TRRAP: variants seen among roughly 807,000 people sequenced by gnomAD.
TRRAP encodes transformation/transcription domain associated protein, also known as transformation/transcription domain-associated protein.
Under a neutral mutation model 438.8 loss-of-function variants are expected in TRRAP, and 41 were observed. The observed-to-expected ratio is 0.09, with a 90% CI of 0.07 to 0.12. The LOEUF (loss-of-function observed/expected upper bound fraction) is 0.12, where lower values mean the gene tolerates loss of function less well. Ranked by LOEUF, TRRAP falls within the 10% of genes least tolerant of loss-of-function variation. TRRAP has a pLI of 1.00. For missense variants in TRRAP, 3,122 were observed against 5,055.1 expected (o/e 0.62, Z 11.60); for synonymous variants, 1,994 against 1,962.9 (o/e 1.02, Z -0.42).
chr7:98,989,821 T>C (rs1184919727), intron 63 of TRRAP, among the ~76,000 whole-genome samples: 1 of 152,234 alleles, frequency 6.6e-6, no homozygotes, highest in Non-Finnish European at 1.5e-5. Context: ...GATGAGATCA[T>C]GAGTGTAGGT....
intron 31 of TRRAP, among the ~76,000 whole-genome samples, chr7:98,943,801 A>G (rs1368857114): frequency 2.0e-5 from 3 of 152,232 alleles, no homozygotes; most frequent in African/African-American, 7.2e-5. Context: ...GTGAAACATG[A>G]CAGCAGTATT....
At chr7:98,954,884 G>A (rs538599053) in intron 40 of TRRAP, among the ~76,000 whole-genome samples, 7 of 152,276 alleles carry the variant, frequency 4.6e-5, no homozygotes, top group Admixed American at 2.0e-4. Context: ...GTTCAGCACG[G>A]GCACGTAGTA....
rs201053093 is a variant in TRRAP, at chr7:98,880,262, G to GTTTTTTTTT, written c.-61-819_-61-811dup. The stretch of plus-strand genomic sequence containing the variant: ...CTGCCTGCGTTTTGTTGTTGTTGTT[G>GTTTTTTTTT]TTTTTTTTTTTTTTTTTCCGAGACT... On this transcript the variant is annotated intron_variant, in intron 1 of 72. Coordinates refer to ENST00000456197, the MANE Select transcript of TRRAP (RefSeq NM_001375524.1). Among the ~76,000 whole-genome samples, 34 of 132,096 alleles carry GTTTTTTTTT rather than the reference G, an allele frequency of 2.6e-4. 5 individuals carry two copies. Among genetic ancestry groups the GTTTTTTTTT allele is most frequent in the South Asian group, 7.4e-4 (3 of 4,054 alleles). The allele number at this position is 132,096 out of a possible 152,430, so 86.7% of individuals were successfully genotyped here.
intron 67 of TRRAP, among the ~76,000 whole-genome samples, chr7:98,995,061 A>C (rs865935387): frequency 1.3e-5 from 2 of 152,188 alleles, no homozygotes; most frequent in African/African-American, 2.4e-5. Flanking sequence ...AGGAGCTGCC[A>C]GGATCCAAGA....
chr7:98,949,838 G>C lies in TRRAP; in HGVS notation c.5132G>C (p.Cys1711Ser). The stretch of plus-strand genomic sequence containing the variant: ...CTGGCCTACTGCCTGCTGAACTACT[G>C]CAAGTGGGTGCCTCCTCCCGCCCTG... ...KLLAYCLLNY[C>S]KRNYGDIELL... is the part of the protein sequence containing the mutation. Residue 1711 changes from cysteine (C) to serine (S), a missense_variant, in exon 37 of 73, where the codon TGC becomes TCC. By Grantham distance (112) the Cys-to-Ser change is moderately radical. Coordinates refer to ENST00000456197, the MANE Select transcript of TRRAP (RefSeq NM_001375524.1). 6.2e-7 allele frequency: 1 copy of C among 1,612,402 alleles called. No homozygotes were observed. Among genetic ancestry groups the C allele is most frequent in the South Asian group, 1.1e-5 (1 of 90,912 alleles).
chr7:98,999,256 C>T (rs1331584765), intron 67 of TRRAP: 9 of 1,181,552 alleles, frequency 7.6e-6, no homozygotes, highest in African/African-American at 3.0e-5. Flanking sequence ...CCCAGCTTCT[C>T]GCAGAAACAG....
rs144435212 is a variant in TRRAP, at chr7:98,948,658, C to T, written c.4761C>T (p.Asn1587=). The change falls in exon 35 of 73, where the codon AAC becomes AAT. Residue 1587 remains asparagine, a synonymous_variant. Transcript: ENST00000456197. This position sits in a 1 kb window ranked among gnomAD's most constrained non-coding sequence, Gnocchi z 4.9. ...TGTTCATGATGGAAGCCACACTGAA[C>T]GATCCCCAGTGGAGCAGAATGTTTA... ...VELFMMEATL[N]DPQWSRMFMS... The T allele has an allele frequency of 3.7e-5, 59 of 1,614,190 alleles. No individual in the cohort carries two copies. The highest frequency in any genetic ancestry group is 1.1e-4 in the East Asian group (5 of 44,872).
chr7:98,955,226 C>G lies in TRRAP; in HGVS notation c.5859C>G (p.Thr1953=). Reference sequence around the variant, plus strand: ...GGCACCAGATGCTGACCCACTGGACCCGGAAGATCATTGTGGAGGAGGGGC... The same window carrying G: ...GGCACCAGATGCTGACCCACTGGACGCGGAAGATCATTGTGGAGGAGGGGC... ...EDGHQMLTHW[T]RKIIVEEGHT... Residue 1953 remains threonine (T), a synonymous_variant, in exon 41 of 73, where the codon ACC becomes ACG. Transcript: ENST00000456197. The G allele has an allele frequency of 6.2e-7, 1 of 1,614,202 alleles. No individual in the cohort carries two copies. Among genetic ancestry groups the G allele is most frequent in the Non-Finnish European group, 8.5e-7 (1 of 1,180,034 alleles).
rs113415719 is a variant in TRRAP, at chr7:98,963,584, T to C, written c.6830-1045T>C. Among the ~76,000 whole-genome samples the C allele has an allele frequency of 8.6e-3, 1,306 of 152,240 alleles. 24 individuals carry two copies. The highest frequency in any genetic ancestry group is 0.029 in the African/African-American group (1,200 of 41,528). ...GGTGTAGTCTCAGCCGTCTGCTCCATAGAGGAGAGCATAGCACTCGGGAAC... is the reference window on the plus strand; with the variant it reads ...GGTGTAGTCTCAGCCGTCTGCTCCACAGAGGAGAGCATAGCACTCGGGAAC... On this transcript the variant is annotated intron_variant, in intron 47 of 72. Coordinates refer to ENST00000456197, the MANE Select transcript of TRRAP (RefSeq NM_001375524.1).
At chr7:98,971,673 T>TA (rs1792425689) in intron 52 of TRRAP, 126 bp from the exon 53 acceptor site, 5 of 1,128,564 alleles carry the variant, frequency 4.4e-6, no homozygotes, top group Non-Finnish European at 5.1e-6. Context: ...TTTAAATACT[T>TA]ACACACTTCC....
At position 98,948,118 on chromosome 7, in the gene TRRAP, C is replaced by A. The variant is rs1791169176; in HGVS notation, c.4549-103C>A. ...GTGAACCCTTCGCTTCACTGCCTAG[C>A]CTTGCCAACATAGTTAGACTATAGT... On this transcript the variant is annotated intron_variant, in intron 33 of 72. Transcript: ENST00000456197. This position sits in a 1 kb window ranked among gnomAD's most constrained non-coding sequence, Gnocchi z 4.9. 1 of 1,535,122 alleles carries A rather than the reference C, an allele frequency of 6.5e-7. No individual in the cohort carries two copies.
At chr7:98,926,270 C>T (rs910555260) in intron 22 of TRRAP, among the ~76,000 whole-genome samples, 4 of 151,834 alleles carry the variant, frequency 2.6e-5, no homozygotes, top group African/African-American at 9.7e-5. Flanking sequence ...AAACAGTGTG[C>T]AGATCCGAGA....
At chr7:98,925,047 G>C (rs1010205739) in intron 21 of TRRAP, 65 bp from the exon 22 acceptor site, 7 of 1,542,108 alleles carry the variant, frequency 4.5e-6, no homozygotes, top group African/African-American at 1.4e-5. Flanking sequence ...GATGCTTTCA[G>C]TGAAAGCTTT....
At chr7:98,897,666 G>C in intron 7 of TRRAP, 75 bp from the exon 8 acceptor site, 2 of 1,442,946 alleles carry the variant, frequency 1.4e-6, no homozygotes, top group Non-Finnish European at 1.8e-6. Flanking sequence ...TTTTTGTTTT[G>C]TTTTGTTTTG....
rs1311985676 is a variant in TRRAP, at chr7:98,903,530, T to C, written c.1036+13T>C. On this transcript the variant is annotated intron_variant, in intron 12 of 72. Coordinates refer to ENST00000456197, the MANE Select transcript of TRRAP (RefSeq NM_001375524.1). Reference sequence around the variant, plus strand: ...GAGCTGAGAAACCGTACGTCCAGCCTGTCTTGTCTTGAATGCTGATGCTAG... The same window carrying C: ...GAGCTGAGAAACCGTACGTCCAGCCCGTCTTGTCTTGAATGCTGATGCTAG... The C allele has an allele frequency of 6.2e-7, 1 of 1,613,856 alleles. No homozygotes were observed. Among genetic ancestry groups the C allele is most frequent in the Non-Finnish European group, 8.5e-7 (1 of 1,179,922 alleles).
At chr7:98,910,884 A>G (rs1315097800) in intron 16 of TRRAP, among the ~76,000 whole-genome samples, 193 bp from the exon 17 acceptor site, 1 of 151,562 alleles carries the variant, frequency 6.6e-6, no homozygotes, top group Non-Finnish European at 1.5e-5. Context: ...CTGAACACCT[A>G]GAGGTTTTTT....
intron 58 of TRRAP, among the ~76,000 whole-genome samples, chr7:98,979,218 A>C (rs1367762403): frequency 1.3e-5 from 2 of 152,200 alleles, no homozygotes; most frequent in Non-Finnish European, 1.5e-5. Context: ...TCCTTAGAGA[A>C]ATAACCAGTC....
At chr7:98,912,781 G>T (rs1789333924) in intron 18 of TRRAP, among the ~76,000 whole-genome samples, 1 of 152,022 alleles carries the variant, frequency 6.6e-6, no homozygotes, top group Non-Finnish European at 1.5e-5. Flanking sequence ...ACCAAGCAGT[G>T]GTCTCACTCC....
intron 44 of TRRAP, 109 bp downstream of exon 44, chr7:98,958,200 C>T: frequency 1.1e-6 from 1 of 889,146 alleles, no homozygotes; most frequent in Non-Finnish European, 1.7e-6. Context: ...ACAGACAAAC[C>T]AAGGTCTGCC....
Sources: allele counts gnomAD v4.1 joint callset (sites outside exome capture counted in the v4.1 genomes callset), GRCh38; gene constraint gnomAD v4.1.1; non-coding constraint Gnocchi (gnomAD v3.1); transcripts MANE v1.5; gene names NCBI Gene and HGNC (gene_info 2026-07-23, HGNC 2026-07-21).